DLG2: variants seen among roughly 807,000 people sequenced by gnomAD.
DLG2 encodes the protein discs large MAGUK scaffold protein 2.
DLG2 carries 45 observed loss-of-function variants against 132.5 expected under a neutral mutation model. The observed-to-expected ratio is 0.34, with a 90% CI of 0.27 to 0.44. The LOEUF (loss-of-function observed/expected upper bound fraction) is 0.44, where lower values mean the gene tolerates loss of function less well. Among genes scored for constraint, DLG2 ranks in the 20% least tolerant of loss-of-function variants. The pLI is 1.00. For missense variants in DLG2, 1,045 were observed against 1,196.9 expected (o/e 0.87, Z 1.87); for synonymous variants, 424 against 419.6 (o/e 1.01, Z -0.13).
chr11:83,914,577 A>G (rs1431250404), intron 15 of DLG2, among the ~76,000 whole-genome samples: 1 of 152,172 alleles, frequency 6.6e-6, no homozygotes, highest in Non-Finnish European at 1.5e-5. Context: ...TAAACTCATT[A>G]ACCCTCATTA....
chr11:84,603,060 T>C (rs549497930), intron 6 of DLG2, among the ~76,000 whole-genome samples: 4 of 152,118 alleles, frequency 2.6e-5, no homozygotes, highest in South Asian at 2.1e-4. Context: ...AATGAATAGC[T>C]AGCATAAAAG....
At chr11:83,605,793 C>T (rs757735349) in intron 19 of DLG2, among the ~76,000 whole-genome samples, 2 of 152,150 alleles carry the variant, frequency 1.3e-5, no homozygotes, top group Non-Finnish European at 2.9e-5. Context: ...TTGCAGTGTT[C>T]CACTATTGTC....
chr11:83,998,469 C>T (rs916255505), intron 11 of DLG2, among the ~76,000 whole-genome samples: 1 of 152,058 alleles, frequency 6.6e-6, no homozygotes, highest in African/African-American at 2.4e-5. Context: ...AGAAAAGTGA[C>T]ACAAAATACC....
At chr11:84,673,591 C>A in intron 6 of DLG2, among the ~76,000 whole-genome samples, 1 of 142,090 alleles carries the variant, frequency 7.0e-6, no homozygotes. Flanking sequence ...CATCCAAAAG[C>A]CCTAGAATCT....
intron 6 of DLG2, among the ~76,000 whole-genome samples, chr11:85,067,022 T>C (rs189426751): frequency 1.6e-3 from 236 of 151,898 alleles, no homozygotes; most frequent in Admixed American, 0.011. Flanking sequence ...TGCCTATATC[T>C]AGAAGACAAT....
At chr11:84,049,866 A>G (rs1386757349) in intron 11 of DLG2, among the ~76,000 whole-genome samples, 2 of 151,820 alleles carry the variant, frequency 1.3e-5, no homozygotes, top group Admixed American at 6.6e-5. Flanking sequence ...TTTATGGAGA[A>G]GTTAACACTG....
At chr11:84,808,057 G>T (rs911268256) in intron 6 of DLG2, among the ~76,000 whole-genome samples, 1 of 151,952 alleles carries the variant, frequency 6.6e-6, no homozygotes. Flanking sequence ...TTTCTCAAGT[G>T]CCCATAGAAC....
At chr11:83,724,921 C>G (rs925166499) in intron 18 of DLG2, 29 of 702,496 alleles carry the variant, frequency 4.1e-5, no homozygotes, top group Middle Eastern at 2.3e-4. Flanking sequence ...AAATTCAGCT[C>G]TGTTCCCTCC....
intron 6 of DLG2, among the ~76,000 whole-genome samples, chr11:85,017,872 A>C (rs1336434115): frequency 1.3e-5 from 2 of 152,142 alleles, no homozygotes; most frequent in Non-Finnish European, 2.9e-5. Flanking sequence ...AACTGACCAA[A>C]AGATGTCCAA....
chr11:83,942,486 A>T (rs1368199833), intron 14 of DLG2, among the ~76,000 whole-genome samples: 1 of 152,188 alleles, frequency 6.6e-6, no homozygotes, highest in African/African-American at 2.4e-5. Flanking sequence ...TATGAATGAT[A>T]TGTCTACATA....
chr11:84,375,797 T>C (rs142134805), intron 7 of DLG2, among the ~76,000 whole-genome samples: 1 of 152,104 alleles, frequency 6.6e-6, no homozygotes, highest in Non-Finnish European at 1.5e-5. Context: ...TTTTCCATTA[T>C]GTTACACACA....
Position 84,875,650 on chromosome 11 carries a change from T to C in DLG2, c.357+236011A>G, listed in dbSNP as rs151324947. The stretch of plus-strand genomic sequence containing the variant: ...TACCTATCATCATCAATCAAGAAGA[T>C]AGCAATATTTTTCATTGTTGCTGTC... On this transcript the variant is annotated intron_variant, in intron 6 of 27. Coordinates refer to ENST00000376104, the MANE Select transcript of DLG2 (RefSeq NM_001142699.3). 1.3e-3 allele frequency among the ~76,000 whole-genome samples: 204 copies of C among 152,300 alleles called. 1 individual carries two copies. The East Asian group carries it at 0.015, about 11-fold the overall frequency.
chr11:83,743,753 T>C (rs937934980), intron 18 of DLG2, among the ~76,000 whole-genome samples: 2 of 152,112 alleles, frequency 1.3e-5, no homozygotes, highest in African/African-American at 4.8e-5. Context: ...CTACTTCATC[T>C]TCTCAGTGCT....
intron 4 of DLG2, among the ~76,000 whole-genome samples, chr11:85,260,986 G>A (rs1041039612): frequency 6.6e-6 from 1 of 152,192 alleles, no homozygotes; most frequent in South Asian, 2.1e-4. Flanking sequence ...TTAATCTAAA[G>A]TCTCTCTTGA....
At chr11:83,773,024 A>T (rs1233207231) in intron 18 of DLG2, among the ~76,000 whole-genome samples, 4 of 152,266 alleles carry the variant, frequency 2.6e-5, no homozygotes, top group Admixed American at 6.5e-5. Context: ...GCATTCACTC[A>T]TCAAACAGGT....
At chr11:83,592,751 A>T (rs2097209327) in intron 19 of DLG2, among the ~76,000 whole-genome samples, 1 of 147,830 alleles carries the variant, frequency 6.8e-6, no homozygotes, top group South Asian at 2.2e-4. Context: ...TCATCTGACA[A>T]AGGGCTAATA....
chr11:85,058,409 C>G (rs567034073), intron 6 of DLG2, among the ~76,000 whole-genome samples: 48 of 151,548 alleles, frequency 3.2e-4, no homozygotes, highest in Middle Eastern at 3.4e-3. Context: ...TATATGTACA[C>G]ATATATATCA....
At position 84,933,707 on chromosome 11, in the gene DLG2, A is replaced by G. The variant is rs1030058310; in HGVS notation, c.357+177954T>C. ...GAATGCCAGTGATTTTTGCACATTCATGTTATATCCTGAGACTTTGCTGAA... is the reference window on the plus strand; with the variant it reads ...GAATGCCAGTGATTTTTGCACATTCGTGTTATATCCTGAGACTTTGCTGAA... On this transcript the variant is annotated intron_variant, in intron 6 of 27. Transcript: ENST00000376104. Among the ~76,000 whole-genome samples, 6 of 152,184 alleles carry G rather than the reference A, an allele frequency of 3.9e-5. No homozygotes were observed. The East Asian group carries it at 1.2e-3, about 29-fold the overall frequency.
intron 6 of DLG2, among the ~76,000 whole-genome samples, chr11:84,702,078 T>A (rs60214163): frequency 6.6e-6 from 1 of 151,600 alleles, no homozygotes; most frequent in Non-Finnish European, 1.5e-5. Context: ...AAAATAGTAT[T>A]GAATACATAT....
Sources: allele counts gnomAD v4.1 joint callset (sites outside exome capture counted in the v4.1 genomes callset), GRCh38; gene constraint gnomAD v4.1.1; transcripts MANE v1.5; gene names NCBI Gene and HGNC (gene_info 2026-07-23, HGNC 2026-07-21).